The following MTUS1 variants were observed in gnomAD, a reference collection of about 807,000 sequenced individuals.
The protein encoded by MTUS1 is microtubule-associated tumor suppressor 1.
MTUS1 carries 109 observed loss-of-function variants against 120.8 expected under a neutral mutation model. The ratio of observed to expected loss-of-function variants is 0.90; its 90% CI spans 0.77 to 1.06. The LOEUF is 1.06. MTUS1 is among the 50% of genes least tolerant of loss of function. The probability of loss-of-function intolerance (pLI) is 0.00; values close to 1 mark genes in which losing one functional copy is unlikely to be tolerated. For missense variants in MTUS1, 2,210 were observed against 1,486.3 expected (o/e 1.49, Z -8.01); for synonymous variants, 737 against 550.5 (o/e 1.34, Z -4.74).
chr8:17,754,091 TGTTA>T lies in MTUS1; in HGVS notation c.1713_1716del (p.Asn572ArgfsTer36). 1.2e-6 allele frequency: 2 copies of T among 1,614,074 alleles called. No individual in the cohort carries two copies. The highest frequency in any genetic ancestry group is 1.3e-5 in the African/African-American group (1 of 75,024). On this transcript the variant is annotated frameshift_variant, in exon 2 of 15. Transcript: ENST00000693296. LOFTEE classifies it high-confidence loss of function. ...TTATTAAACTGCTGCTTATGTGTCT[TGTTA>T]ATTAGAATTTCTGCTTTTTTGTCTG...
chr8:17,768,143 T>C (rs2049709631), intron 1 of MTUS1, among the ~76,000 whole-genome samples: 1 of 152,212 alleles, frequency 6.6e-6, no homozygotes, highest in African/African-American at 2.4e-5. Flanking sequence ...CCACAGCAGA[T>C]AGTATCAGAG....
rs1812869760 is a variant in MTUS1, at chr8:17,675,306, A to G, written c.2839-54T>C. The G allele has an allele frequency of 3.3e-6, 5 of 1,529,166 alleles. 1 individual carries two copies. In the Admixed American group the frequency reaches 5.0e-5, roughly 15 times the overall value. The allele number at this position is 1,529,166 out of a possible 1,614,324, so 94.7% of individuals were successfully genotyped here. On this transcript the variant is annotated intron_variant, in intron 7 of 14. Transcript: ENST00000693296. ...TGCTTTCAAGAGGGTCCCTTTCAGTAAGGTACACATTTGTTATCACTAGGA... is the reference window on the plus strand; with the variant it reads ...TGCTTTCAAGAGGGTCCCTTTCAGTGAGGTACACATTTGTTATCACTAGGA...
chr8:17,728,582 TA>T (rs2046364809), intron 3 of MTUS1, among the ~76,000 whole-genome samples: 1 of 152,230 alleles, frequency 6.6e-6, no homozygotes, highest in Non-Finnish European at 1.5e-5. Context: ...GTAAAAACTG[TA>T]AACTAAAGAA....
intron 6 of MTUS1, among the ~76,000 whole-genome samples, chr8:17,700,188 G>A (rs1441508858): frequency 1.3e-5 from 2 of 152,016 alleles, no homozygotes; most frequent in African/African-American, 2.4e-5. Flanking sequence ...TGGGCCGGGC[G>A]CGGTGGTGAG....
intron 1 of MTUS1, among the ~76,000 whole-genome samples, chr8:17,777,716 T>C (rs1285873928): frequency 6.6e-6 from 1 of 152,168 alleles, no homozygotes. Flanking sequence ...CCCATCCAGT[T>C]TTTGTCCCTA....
At chr8:17,799,767 A>C (rs2052532116) in intron 1 of MTUS1, among the ~76,000 whole-genome samples, 1 of 152,162 alleles carries the variant, frequency 6.6e-6, no homozygotes, top group Non-Finnish European at 1.5e-5. Flanking sequence ...TCTCTTCATA[A>C]ACCTGATTTT....
At chr8:17,732,715 C>G (rs1200003655) in intron 3 of MTUS1, among the ~76,000 whole-genome samples, 1 of 152,136 alleles carries the variant, frequency 6.6e-6, no homozygotes, top group Non-Finnish European at 1.5e-5. Context: ...ACCATCCATT[C>G]CCATCTCAGG....
chr8:17,657,782 A>T (rs1284458148), intron 8 of MTUS1, among the ~76,000 whole-genome samples: 1 of 142,676 alleles, frequency 7.0e-6, no homozygotes, highest in Non-Finnish European at 1.5e-5. Flanking sequence ...GTTGGGCAAC[A>T]GAGCAAGACC....
At chr8:17,698,632 G>T (rs1446447275) in intron 6 of MTUS1, among the ~76,000 whole-genome samples, 1 of 152,134 alleles carries the variant, frequency 6.6e-6, no homozygotes, top group African/African-American at 2.4e-5. Context: ...AAAACTAGCA[G>T]GAAGCAGTTC....
At position 17,754,125 on chromosome 8, in the gene MTUS1, C is replaced by G; in HGVS notation, c.1683G>C (p.Leu561Phe). The change falls in exon 2 of 15, where the codon TTG becomes TTC. Residue 561 changes from leucine (L) to phenylalanine (F), a missense_variant. Coordinates refer to ENST00000693296, the MANE Select transcript of MTUS1 (RefSeq NM_001363059.2). Reference sequence around the variant, plus strand: ...GAATTTCTGCTTTTTTGTCTGCATTCAAGTCAGATCTCGGTGTTCTGCTCA... The same window carrying G: ...GAATTTCTGCTTTTTTGTCTGCATTGAAGTCAGATCTCGGTGTTCTGCTCA... ...TVLSRTPRSD[L>F]NADKKAEILI... 2 of 1,613,758 alleles carry G rather than the reference C, an allele frequency of 1.2e-6. No homozygotes were observed. Among genetic ancestry groups the G allele is most frequent in the Non-Finnish European group, 1.7e-6 (2 of 1,180,006 alleles).
chr8:17,776,929 C>T (rs2050489462), intron 1 of MTUS1, among the ~76,000 whole-genome samples: 1 of 151,998 alleles, frequency 6.6e-6, no homozygotes, highest in African/African-American at 2.4e-5. Flanking sequence ...TTTCGGAGAG[C>T]AATTTCAACA....
chr8:17,654,543 G>T lies in MTUS1; in HGVS notation c.3214+18C>A, dbSNP rs755387595. Reference sequence around the variant, plus strand: ...TTCAGATTTTATTCTGTTTAAAGAGGAAAAAAAGCATCCTTGCCTGAAAGG... The same window carrying T: ...TTCAGATTTTATTCTGTTTAAAGAGTAAAAAAAGCATCCTTGCCTGAAAGG... On this transcript the variant is annotated intron_variant, in intron 10 of 14. Transcript: ENST00000693296. 1.6e-5 allele frequency: 24 copies of T among 1,501,168 alleles called. No individual in the cohort carries two copies. The African/African-American group carries it at 2.1e-4, about 13-fold the overall frequency. 93.0% of individuals were successfully genotyped at this position (1,501,168 alleles called of 1,614,324 possible).
chr8:17,701,012 G>C (rs1230880464), intron 6 of MTUS1, among the ~76,000 whole-genome samples: 1 of 152,092 alleles, frequency 6.6e-6, no homozygotes, highest in East Asian at 1.9e-4. Flanking sequence ...ATCTGTATGG[G>C]GTGCTTAGAT....
chr8:17,659,154 G>C (rs2130357383), intron 8 of MTUS1, among the ~76,000 whole-genome samples: 2 of 152,182 alleles, frequency 1.3e-5, no homozygotes, highest in South Asian at 4.2e-4. Flanking sequence ...TCGGTGAGCA[G>C]TCTGAATTCT....
At chr8:17,788,425 C>G (rs1287030220) in intron 1 of MTUS1, among the ~76,000 whole-genome samples, 3 of 152,124 alleles carry the variant, frequency 2.0e-5, no homozygotes, top group African/African-American at 7.2e-5. Context: ...TAAATGTTGA[C>G]GATAGCTACT....
At chr8:17,724,062 A>G in intron 3 of MTUS1, 1 of 570,920 alleles carries the variant, frequency 1.8e-6, no homozygotes, top group Non-Finnish European at 3.1e-6. Flanking sequence ...GGATATGAGA[A>G]GTGTAGGAGT....
At chr8:17,684,209 T>C in intron 7 of MTUS1, 119 bp downstream of exon 7, 1 of 724,212 alleles carries the variant, frequency 1.4e-6, no homozygotes, top group Non-Finnish European at 2.4e-6. Flanking sequence ...ATGGGATGAA[T>C]GACACCTGAT....
chr8:17,745,053 A>G (rs952031376), intron 2 of MTUS1, among the ~76,000 whole-genome samples: 2 of 152,226 alleles, frequency 1.3e-5, no homozygotes, highest in Non-Finnish European at 1.5e-5. Flanking sequence ...GTCATCAGCC[A>G]TGGTCCTCAT....
chr8:17,666,024 G>C (rs895936809), intron 8 of MTUS1, among the ~76,000 whole-genome samples: 13 of 150,700 alleles, frequency 8.6e-5, no homozygotes, highest in African/African-American at 2.9e-4. Context: ...CCCTTGAAGA[G>C]AAGCCTGCAA....
Sources: gnomAD v4.1 joint callset for allele counts (sites outside exome capture counted in the v4.1 genomes callset) on GRCh38, gnomAD v4.1.1 for gene constraint, MANE v1.5 for transcripts, NCBI Gene and HGNC (gene_info 2026-07-23, HGNC 2026-07-21) for gene names.